MED12: variants seen among roughly 807,000 people sequenced by gnomAD.
The protein encoded by MED12 is mediator complex subunit 12, also known as mediator of RNA polymerase II transcription subunit 12.
MED12 carries 10 observed loss-of-function variants against 177.7 expected under a neutral mutation model. The ratio of observed to expected loss-of-function variants is 0.06; its 90% CI spans 0.03 to 0.10. The LOEUF (loss-of-function observed/expected upper bound fraction) is 0.10. MED12 is among the 10% of genes least tolerant of loss of function. The pLI, the probability that MED12 is intolerant of heterozygous loss-of-function variation, is 1.00. For missense variants in MED12, 867 were observed against 1,780.8 expected, an observed-to-expected ratio of 0.49 and a Z score of 9.23; for synonymous variants, 641 against 678.4, an observed-to-expected ratio of 0.94 and a Z score of 0.86.
chrX:71,130,299 G>T (rs2092313708), intron 28 of MED12, 85 bp downstream of exon 28: 3 of 965,465 alleles, frequency 3.1e-6, no homozygotes, highest in South Asian at 4.5e-5. Context: ...AAGGAGAGGG[G>T]CAGTTAAGTA....
intron 41 of MED12, among the ~76,000 whole-genome samples, chrX:71,139,610 G>A (rs1462706807): frequency 9.0e-6 from 1 of 110,574 alleles, no homozygotes; most frequent in East Asian, 2.8e-4. Context: ...GCAAGAAGAA[G>A]ACTTCAGGCC....
At position 71,118,749 on chromosome X, in the gene MED12, G is replaced by C; in HGVS notation, c.-6G>C. ...CTGGTGCCTCCGGCGCTACGGGCTG[G>C]GCAAGATGGCGGCCTTCGGGATCTT... On this transcript the variant is annotated 5_prime_UTR_variant, in exon 1 of 45. Coordinates refer to ENST00000374080, the MANE Select transcript of MED12 (RefSeq NM_005120.3). 1 of 1,206,571 alleles carries C rather than the reference G, an allele frequency of 8.3e-7. No individual in the cohort carries two copies.
Position 71,122,314 on chromosome X carries a change from A to G in MED12, c.1216A>G (p.Met406Val). 8.3e-7 allele frequency: 1 copy of G among 1,212,034 alleles called. No individual in the cohort carries two copies. Among genetic ancestry groups the G allele is most frequent in the Non-Finnish European group, 1.1e-6 (1 of 895,533 alleles). ...GCCTATTGCCCCGTCCAACCTGCCC[A>G]TGCCAGAGGGTAACAGTGCCTTCAC... ...HLPIAPSNLP[M>V]PEGNSAFTQQ... The change falls in exon 8 of 45, where the codon ATG becomes GTG. Residue 406 changes from methionine to valine, a missense_variant. Met to Val is a conservative substitution (Grantham distance 21, BLOSUM62 1). This residue lies in a region of MED12 where 309 missense variants were observed against 556.3 expected (regional missense o/e 0.56). Transcript: ENST00000374080.
At chrX:71,125,316 C>A in intron 15 of MED12, 35 bp from the exon 16 acceptor site, 1 of 1,209,268 alleles carries the variant, frequency 8.3e-7, no homozygotes, top group Non-Finnish European at 1.1e-6. Flanking sequence ...GGAAGGAGAT[C>A]GGTGCTGGAG....
rs1432961230 is a variant in MED12 at position 71,119,057 on chromosome X, C to T, written c.99+204C>T. Among the ~76,000 whole-genome samples, 5 of 109,259 alleles carry T rather than the reference C, an allele frequency of 4.6e-5. No homozygotes were observed. The Admixed American group carries it at 4.9e-4, about 11-fold the overall frequency. 94.9% of individuals were successfully genotyped at this position (109,259 alleles called of 115,157 possible). On this transcript the variant is annotated intron_variant, in intron 1 of 44. Transcript: ENST00000374080. The stretch of plus-strand genomic sequence containing the variant: ...GTATGAATAGGGGGTGGTGTAGGGG[C>T]CGCACCAGAGGCGCCCTCCTCCACA...
chrX:71,131,092 A>G (rs1602300737), intron 28 of MED12, among the ~76,000 whole-genome samples: 1 of 104,086 alleles, frequency 9.6e-6, no homozygotes, highest in Admixed American at 1.0e-4. Context: ...AATTGGAAAG[A>G]TTTTCAACTA....
intron 15 of MED12, 34 bp downstream of exon 15, chrX:71,125,180 T>C: frequency 8.3e-7 from 1 of 1,206,613 alleles, no homozygotes; most frequent in Non-Finnish European, 1.1e-6. Context: ...ATGATCTGTT[T>C]TGAACCCAGA....
intron 27 of MED12, 50 bp from the exon 28 acceptor site, chrX:71,129,985 C>T (rs776483273): frequency 1.0e-5 from 12 of 1,188,165 alleles, no homozygotes; most frequent in Non-Finnish European, 1.3e-5. Flanking sequence ...CCCCCATATT[C>T]CTAACCCCCT....
intron 24 of MED12, 182 bp from the exon 25 acceptor site, chrX:71,128,932 C>T (rs1174359483): frequency 3.6e-6 from 2 of 559,576 alleles, no homozygotes; most frequent in Non-Finnish European, 6.0e-6. Flanking sequence ...GACCCTTCAA[C>T]TGCGTAACAG....
At chrX:71,128,160 A>G (rs2092307962) in intron 22 of MED12, 40 bp downstream of exon 22, 1 of 1,190,684 alleles carries the variant, frequency 8.4e-7, no homozygotes, top group East Asian at 3.0e-5. Flanking sequence ...CCATGCCCCC[A>G]TCTGAGATAG....
intron 11 of MED12, 36 bp from the exon 12 acceptor site, chrX:71,123,558 A>C: frequency 8.3e-7 from 1 of 1,209,231 alleles, no homozygotes. Flanking sequence ...GAAGCAGGTA[A>C]AAGTCAGTTC....
intron 30 of MED12, 27 bp downstream of exon 30, chrX:71,132,233 T>G: frequency 8.3e-7 from 1 of 1,204,303 alleles, no homozygotes; most frequent in Non-Finnish European, 1.1e-6. Flanking sequence ...TTAGGACCCA[T>G]CCCCTTAGGA....
chrX:71,125,965 C>A (rs2147795327), intron 17 of MED12, 71 bp from the exon 18 acceptor site: 1 of 414,941 alleles, frequency 2.4e-6, no homozygotes, highest in Non-Finnish European at 4.4e-6. Context: ...TCTCTCCATA[C>A]CCCACTCCCC....
In MED12 at chrX:71,136,876, C is replaced by T. The variant is rs1180673067; in HGVS notation, c.5401-3C>T. ...TCACCCTCTTCCTCTGCCACTCACACAGGACTATGGAATGGGCCCGGGTCG... is the reference window on the plus strand; with the variant it reads ...TCACCCTCTTCCTCTGCCACTCACATAGGACTATGGAATGGGCCCGGGTCG... On this transcript the variant is annotated splice_region_variant and splice_polypyrimidine_tract_variant and intron_variant, in intron 37 of 44. Coordinates refer to ENST00000374080, the MANE Select transcript of MED12 (RefSeq NM_005120.3). 2.5e-6 allele frequency: 3 copies of T among 1,209,409 alleles called. No individual in the cohort carries two copies. Among genetic ancestry groups the T allele is most frequent in the African/African-American group, 3.5e-5 (2 of 56,987 alleles).
At chrX:71,141,127 C>G in intron 42 of MED12, 103 bp from the exon 43 acceptor site, 3 of 1,155,322 alleles carry the variant, frequency 2.6e-6, no homozygotes, top group Admixed American at 5.2e-5. Context: ...CAGTAGACCC[C>G]GAGCTCCCAC....
Position 71,119,398 on chromosome X carries a change from AACAAGG to A in MED12, c.126_131del (p.Lys42_Gly44delinsAsn), listed in dbSNP as rs199469689. On this transcript the variant is annotated inframe_deletion, in exon 2 of 45. Coordinates refer to ENST00000374080, the MANE Select transcript of MED12 (RefSeq NM_005120.3). The stretch of plus-strand genomic sequence containing the variant: ...GATGAACTGACGGCCTTGAATGTAA[AACAAGG>A]TTTCAATAACCAGCCTGCTGTCTCT... 1 of 1,197,777 alleles carries A rather than the reference AACAAGG, an allele frequency of 8.3e-7. No individual in the cohort carries two copies. Among genetic ancestry groups the A allele is most frequent in the African/African-American group, 1.8e-5 (1 of 56,941 alleles).
At chrX:71,125,793 C>G in intron 17 of MED12, 80 bp downstream of exon 17, 1 of 909,644 alleles carries the variant, frequency 1.1e-6, no homozygotes, top group Non-Finnish European at 1.6e-6. Flanking sequence ...GTACATATTC[C>G]TTTAAGGTCC....
chrX:71,125,272 T>C (rs1043016438), intron 15 of MED12, 79 bp from the exon 16 acceptor site: 4 of 1,196,539 alleles, frequency 3.3e-6, no homozygotes, highest in Non-Finnish European at 4.5e-6. Context: ...AGCATGTGGA[T>C]GCTGAGGGGT....
intron 33 of MED12, among the ~76,000 whole-genome samples, chrX:71,133,975 A>C (rs1396730535): frequency 9.1e-6 from 1 of 110,295 alleles, no homozygotes; most frequent in Non-Finnish European, 1.9e-5. Context: ...CACGCCTGTA[A>C]TCCCAGCACT....
Sources: gnomAD v4.1 joint callset for allele counts (sites outside exome capture counted in the v4.1 genomes callset) on GRCh38, gnomAD v4.1.1 for gene constraint, gnomAD v4.1.1 regional missense constraint, MANE v1.5 for transcripts, NCBI Gene and HGNC (gene_info 2026-07-23, HGNC 2026-07-21) for gene names.